Variants in MROH2A observed in about 807,000 individuals in gnomAD.
The protein encoded by MROH2A is maestro heat like repeat family member 2A, also known as maestro heat-like repeat-containing protein family member 2A.
A neutral mutation model predicts 200.4 loss-of-function variants in MROH2A; 174 were observed. That is an observed-to-expected ratio of 0.87 (90% confidence interval 0.77 to 0.98). The LOEUF (loss-of-function observed/expected upper bound fraction) is 0.98, where lower values mean the gene tolerates loss of function less well. MROH2A is among the 50% of genes least tolerant of loss of function. MROH2A has a pLI of 0.00. For missense variants in MROH2A, 2,045 were observed against 2,139.6 expected (o/e 0.96, Z 0.87); for synonymous variants, 829 against 840.4 (o/e 0.99, Z 0.23).
In MROH2A at chr2:233,828,816, T is replaced by C; in HGVS notation, c.4263+37T>C. The stretch of plus-strand genomic sequence containing the variant: ...GGCCCTGGGCCCAGGTCCCGGGAGC[T>C]GAGGGTGCAGGCCGGGTGCCCTGGT... On this transcript the variant is annotated intron_variant, in intron 36 of 41. Transcript: ENST00000389758. This position sits in a 1 kb window ranked among gnomAD's most constrained non-coding sequence, Gnocchi z 4.6. The C allele has an allele frequency of 6.5e-7, 1 of 1,548,834 alleles. No individual in the cohort carries two copies. Among genetic ancestry groups the C allele is most frequent in the Non-Finnish European group, 8.7e-7 (1 of 1,145,888 alleles).
intron 3 of MROH2A, 32 bp downstream of exon 3, chr2:233,779,884 C>T (rs1331804254): frequency 3.3e-6 from 5 of 1,525,632 alleles, no homozygotes; most frequent in Middle Eastern, 4.4e-4. Flanking sequence ...GGCTCAGCCA[C>T]CTTTAGCTCT....
intron 22 of MROH2A, among the ~76,000 whole-genome samples, chr2:233,809,619 C>CAAG (rs891048988): frequency 6.6e-6 from 1 of 152,106 alleles, no homozygotes; most frequent in African/African-American, 2.4e-5. Context: ...TCATAAGGAA[C>CAAG]AAGAGGTGGG....
rs759559877 is a variant in MROH2A at position 233,822,200 on chromosome 2, C to T, written c.3589C>T (p.Arg1197Trp). 4.0e-5 allele frequency: 62 copies of T among 1,549,014 alleles called. No homozygotes were observed. The highest frequency in any genetic ancestry group is 9.8e-5 in the Admixed American group (5 of 50,984). The stretch of plus-strand genomic sequence containing the variant: ...GACCATGCTCCACAGCCTGATGGGC[C>T]GGCTGCAGTCACGGCTCAGCCCCAG... ...ARTMLHSLMG[R>W]LQSRLSPRIS... Residue 1197 changes from arginine (R) to tryptophan (W), a missense_variant, in exon 32 of 42, where the codon CGG becomes TGG. Coordinates refer to ENST00000389758, the MANE Select transcript of MROH2A (RefSeq NM_001394639.1).
intron 1 of MROH2A, 68 bp from the exon 2 acceptor site, chr2:233,779,277 G>T: frequency 1.1e-6 from 1 of 941,284 alleles, no homozygotes. Context: ...GGAAGGGTGT[G>T]GGTCGTTGGG....
Position 233,822,474 on chromosome 2 carries a change from C to A in MROH2A, c.3784C>A (p.Arg1262=). The change falls in exon 33 of 42, where the codon CGA becomes AGA. Residue 1262 remains arginine (R), a synonymous_variant. Transcript: ENST00000389758. ...TLLLQLGSSH[R]PEAAPPVLKM... ...CCTGCTGCAGCTTGGAAGCAGCCAC[C>A]GACCAGAGGCCGCCCCGCCGGTCTT... 6.4e-7 allele frequency: 1 copy of A among 1,550,586 alleles called. No individual in the cohort carries two copies. Among genetic ancestry groups the A allele is most frequent in the Admixed American group, 2.0e-5 (1 of 51,016 alleles).
intron 33 of MROH2A, 86 bp from the exon 34 acceptor site, chr2:233,822,795 G>T (rs1371390825): frequency 6.7e-7 from 1 of 1,502,974 alleles, no homozygotes; most frequent in South Asian, 1.3e-5. Flanking sequence ...GCAGGCACTG[G>T]GGCCCCACTT....
intron 23 of MROH2A, 96 bp downstream of exon 23, chr2:233,811,012 G>T: frequency 7.2e-7 from 1 of 1,388,086 alleles, no homozygotes; most frequent in South Asian, 1.4e-5. Context: ...GGCATCTGCA[G>T]AGCTCTCTGA....
rs764984413 is a variant in MROH2A at position 233,799,738 on chromosome 2, C to T, written c.1330-42C>T. 8 of 1,548,208 alleles carry T rather than the reference C, an allele frequency of 5.2e-6. No individual in the cohort carries two copies. The South Asian group carries it at 7.2e-5, about 14-fold the overall frequency. On this transcript the variant is annotated intron_variant, in intron 12 of 41. Coordinates refer to ENST00000389758, the MANE Select transcript of MROH2A (RefSeq NM_001394639.1). ...TGTCACAGGATTGGGTGCCTTGGAG[C>T]CCACCCCAACCCCCAGCATGTCCAC...
intron 3 of MROH2A, among the ~76,000 whole-genome samples, chr2:233,789,085 A>G (rs1701565120): frequency 6.6e-6 from 1 of 151,858 alleles, no homozygotes; most frequent in African/African-American, 2.4e-5. Flanking sequence ...TTCAGTGGTG[A>G]TAAGCGCTAT....
In MROH2A at chr2:233,800,191, GTTCT is replaced by G; in HGVS notation, c.1450-8_1450-5del. On this transcript the variant is annotated splice_polypyrimidine_tract_variant and intron_variant, in intron 13 of 41. Coordinates refer to ENST00000389758, the MANE Select transcript of MROH2A (RefSeq NM_001394639.1). ...CTAGGCCACAGGTGGGAATCCCTTG[GTTCT>G]TTCTTCCAGACAAATCGCCGGGAGA... is the stretch of plus-strand genomic sequence containing the variant. 1 of 1,533,988 alleles carries G rather than the reference GTTCT, an allele frequency of 6.5e-7. No homozygotes were observed. The highest frequency in any genetic ancestry group is 8.8e-7 in the Non-Finnish European group (1 of 1,135,458).
At chr2:233,797,592 A>G (rs1021346870) in intron 11 of MROH2A, among the ~76,000 whole-genome samples, 4 of 152,258 alleles carry the variant, frequency 2.6e-5, no homozygotes, top group Non-Finnish European at 4.4e-5. Flanking sequence ...GAAGAAATCT[A>G]TGTTCATTTA....
chr2:233,776,520 C>A (rs552625941), upstream of MROH2A, among the ~76,000 whole-genome samples: 45 of 152,068 alleles, frequency 3.0e-4, no homozygotes, highest in African/African-American at 9.9e-4. Flanking sequence ...CCCCACCACA[C>A]CCGGCTAATT....
At chr2:233,810,972 C>T (rs1703113854) in intron 23 of MROH2A, 56 bp downstream of exon 23, 1 of 1,536,806 alleles carries the variant, frequency 6.5e-7, no homozygotes, top group South Asian at 1.2e-5. Flanking sequence ...GTCTAACTCC[C>T]TGCGGTGAGA....
At chr2:233,802,604 C>G (rs914153788) in intron 15 of MROH2A, 9 of 324,466 alleles carry the variant, frequency 2.8e-5, no homozygotes, top group African/African-American at 1.6e-4. Flanking sequence ...CCTGGCCCAG[C>G]CTTTCCCATG....
At chr2:233,790,108 C>T (rs1408117227) in intron 5 of MROH2A, 94 bp downstream of exon 5, 2 of 1,181,650 alleles carry the variant, frequency 1.7e-6, no homozygotes, top group South Asian at 1.8e-5. Context: ...TCACCTCTTC[C>T]TCTTACCTTT....
chr2:233,814,659 G>T lies in MROH2A; in HGVS notation c.2838G>T (p.Gly946=). Reference sequence around the variant, plus strand: ...TGCAGAGGCAGCTGGACCCCAAGGGGCTGCAGGAGATGGTGCAGGTGAGTT... The same window carrying T: ...TGCAGAGGCAGCTGGACCCCAAGGGTCTGCAGGAGATGGTGCAGGTGAGTT... ...SLLQRQLDPK[G]LQEMVQLLEK... Residue 946 remains glycine (G), a synonymous_variant, in exon 26 of 42, where the codon GGG becomes GGT. Transcript: ENST00000389758. 1 of 1,550,342 alleles carries T rather than the reference G, an allele frequency of 6.5e-7. No homozygotes were observed. Among genetic ancestry groups the T allele is most frequent in the South Asian group, 1.2e-5 (1 of 84,002 alleles).
intron 18 of MROH2A, 118 bp downstream of exon 18, chr2:233,804,665 C>G: frequency 1.1e-6 from 1 of 894,606 alleles, no homozygotes; most frequent in East Asian, 2.6e-5. Flanking sequence ...GACATGTTCT[C>G]CTTCTGTCAG....
At chr2:233,787,931 T>A (rs1279109330) in intron 3 of MROH2A, among the ~76,000 whole-genome samples, 5 of 40,060 alleles carry the variant, frequency 1.2e-4, no homozygotes, top group African/African-American at 4.9e-4. Flanking sequence ...TACATATATA[T>A]TATATATACA....
chr2:233,826,326 A>G (rs973467841), intron 35 of MROH2A, among the ~76,000 whole-genome samples: 47 of 152,222 alleles, frequency 3.1e-4, no homozygotes, highest in African/African-American at 9.9e-4. Flanking sequence ...AAACTATACT[A>G]TAAGGCTACA....
Sources: gnomAD v4.1 joint callset for allele counts (sites outside exome capture counted in the v4.1 genomes callset) on GRCh38, gnomAD v4.1.1 for gene constraint, Gnocchi (gnomAD v3.1) non-coding constraint, MANE v1.5 for transcripts, NCBI Gene and HGNC (gene_info 2026-07-23, HGNC 2026-07-21) for gene names.